The following GRB10 variants were observed in gnomAD, a reference collection of about 807,000 sequenced individuals.
GRB10 encodes the protein growth factor receptor bound protein 10, also known as growth factor receptor-bound protein 10.
GRB10 carries 20 observed loss-of-function variants against 80.9 expected under a neutral mutation model. That is an observed-to-expected ratio of 0.25 (90% CI 0.17 to 0.36). The LOEUF (loss-of-function observed/expected upper bound fraction) is 0.36. Ranked by LOEUF, GRB10 falls within the 10% of genes least tolerant of loss-of-function variation. The pLI is 1.00. For synonymous variants in GRB10, 291 were observed against 291.5 expected (o/e 1.00, Z 0.02); for missense variants, 548 against 747.7 (o/e 0.73, Z 3.12).
At chr7:50,761,067 C>T (rs2153705238) in intron 2 of GRB10, among the ~76,000 whole-genome samples, 1 of 152,308 alleles carries the variant, frequency 6.6e-6, no homozygotes, top group Admixed American at 6.5e-5. Flanking sequence ...TTAAGAACAA[C>T]TAGATATCAA....
chr7:50,741,003 G>A (rs1023752329), intron 3 of GRB10, among the ~76,000 whole-genome samples: 5 of 152,058 alleles, frequency 3.3e-5, no homozygotes, highest in Non-Finnish European at 5.9e-5. Context: ...ATACTAAAAA[G>A]CATTGATAAA....
At chr7:50,684,267 C>CAAA (rs386410128) in intron 5 of GRB10, among the ~76,000 whole-genome samples, 2,827 of 62,148 alleles carry the variant, frequency 0.045, 366 homozygotes, top group African/African-American at 0.19. Flanking sequence ...CAATCATCAC[C>CAAA]AAAAAAAAAA....
intron 4 of GRB10, among the ~76,000 whole-genome samples, chr7:50,712,524 T>A (rs1033950091): frequency 2.2e-5 from 2 of 89,082 alleles, no homozygotes; most frequent in African/African-American, 5.3e-5. Context: ...AAAAAACTTT[T>A]CTCCCAAATG....
intron 7 of GRB10, among the ~76,000 whole-genome samples, chr7:50,653,709 A>T (rs2058290333): frequency 6.6e-6 from 1 of 152,188 alleles, no homozygotes; most frequent in South Asian, 2.1e-4. Context: ...ATGCATCGGG[A>T]AGAGACTTAA....
intron 7 of GRB10, among the ~76,000 whole-genome samples, chr7:50,643,957 G>A (rs1043947141): frequency 1.3e-5 from 2 of 152,120 alleles, no homozygotes; most frequent in East Asian, 1.9e-4. Context: ...ACATACGTGC[G>A]TGAAAATAAT....
chr7:50,725,730 C>T (rs1160749523), intron 4 of GRB10, among the ~76,000 whole-genome samples: 1 of 152,168 alleles, frequency 6.6e-6, no homozygotes, highest in African/African-American at 2.4e-5. Context: ...AGGAGGAAAA[C>T]AGAAGTGGGA....
At chr7:50,642,339 TAC>T (rs1330084225) in intron 7 of GRB10, among the ~76,000 whole-genome samples, 1 of 151,552 alleles carries the variant, frequency 6.6e-6, no homozygotes, top group Non-Finnish European at 1.5e-5. Flanking sequence ...CACATATGCA[TAC>T]AGATACACAA....
At chr7:50,710,940 G>T in intron 4 of GRB10, 1 of 1,605,132 alleles carries the variant, frequency 6.2e-7, no homozygotes. Flanking sequence ...TCTACAGTGG[G>T]TATCACGTGG....
At chr7:50,705,107 G>A (rs2064853333) in intron 4 of GRB10, 2 of 976,534 alleles carry the variant, frequency 2.0e-6, no homozygotes, top group African/African-American at 1.8e-5. Flanking sequence ...GAAATGGGAT[G>A]GATGCTCACT....
chr7:50,593,841 G>C (rs1400006325), intron 18 of GRB10, among the ~76,000 whole-genome samples: 3 of 152,152 alleles, frequency 2.0e-5, no homozygotes, highest in African/African-American at 7.2e-5. Flanking sequence ...ACCATTGCTA[G>C]AGCTAACAGC....
intron 10 of GRB10, chr7:50,617,797 T>TGGCATG (rs2050927906): frequency 1.9e-6 from 1 of 525,506 alleles, no homozygotes. Flanking sequence ...CACTCAGCAG[T>TGGCATG]GGCATCACTG....
chr7:50,595,806 C>T (rs2046545002), intron 17 of GRB10: 1 of 377,586 alleles, frequency 2.6e-6, no homozygotes. Flanking sequence ...GGCAGGGAAA[C>T]TATAGGATGA....
chr7:50,714,937 G>C (rs993654814), intron 4 of GRB10, among the ~76,000 whole-genome samples: 3 of 152,102 alleles, frequency 2.0e-5, no homozygotes, highest in African/African-American at 7.2e-5. Flanking sequence ...CCCATGAGCA[G>C]AAGGAAGAGA....
intron 3 of GRB10, among the ~76,000 whole-genome samples, chr7:50,755,389 C>T (rs1477493741): frequency 6.6e-6 from 1 of 152,150 alleles, no homozygotes; most frequent in Non-Finnish European, 1.5e-5. Flanking sequence ...GTTACAGGGT[C>T]CCCAGTCTCA....
intron 4 of GRB10, among the ~76,000 whole-genome samples, chr7:50,724,388 T>G (rs2068254212): frequency 6.6e-6 from 1 of 152,230 alleles, no homozygotes. Context: ...TTTTTATTCT[T>G]AAGTTCAACA....
At chr7:50,672,673 G>A (rs977161266) in intron 6 of GRB10, among the ~76,000 whole-genome samples, 3 of 152,148 alleles carry the variant, frequency 2.0e-5, no homozygotes, top group South Asian at 2.1e-4. Context: ...GCCAGAACTC[G>A]AGGTTCAAGG....
chr7:50,605,342 T>A lies in GRB10; in HGVS notation c.1337A>T (p.Glu446Val). 1 of 1,614,188 alleles carries A rather than the reference T, an allele frequency of 6.2e-7. No homozygotes were observed. The highest frequency in any genetic ancestry group is 8.5e-7 in the Non-Finnish European group (1 of 1,180,028). Reference protein sequence around the residue: ...DFSGQTGRVIENPAEAQSAAL... With the variant: ...DFSGQTGRVIVNPAEAQSAAL... Reference sequence around the variant, plus strand: ...TGCGCTCTGGGCCTCTGCCGGATTCTCTATCACGCGTCCTGTTTGCCCAGA... The same window carrying A: ...TGCGCTCTGGGCCTCTGCCGGATTCACTATCACGCGTCCTGTTTGCCCAGA... Residue 446 changes from glutamate to valine, a missense_variant, in exon 15 of 19, where the codon GAG becomes GTG. Glu to Val is a moderately radical substitution (Grantham distance 121). This residue lies in a region of GRB10 where 270 missense variants were observed against 433.6 expected (regional missense o/e 0.62). Coordinates refer to ENST00000401949, the MANE Select transcript of GRB10 (RefSeq NM_001350814.2).
chr7:50,612,664 A>G lies in GRB10; in HGVS notation c.1194+77T>C, dbSNP rs533655592. 2.1e-4 allele frequency: 188 copies of G among 902,464 alleles called. 1 individual carries two copies. The African/African-American group carries it at 2.6e-3, about 12-fold the overall frequency. The allele number at this position is 902,464 out of a possible 1,614,324, so 55.9% of individuals were successfully genotyped here. Reference sequence around the variant, plus strand: ...GAAAAGTTACGAGCATTTTCCTGCCAGAATAGACATCAAGTCCAGAGGCCA... The same window carrying G: ...GAAAAGTTACGAGCATTTTCCTGCCGGAATAGACATCAAGTCCAGAGGCCA... On this transcript the variant is annotated intron_variant, in intron 13 of 18. Coordinates refer to ENST00000401949, the MANE Select transcript of GRB10 (RefSeq NM_001350814.2).
At chr7:50,733,172 C>T (rs908017933) in intron 3 of GRB10, among the ~76,000 whole-genome samples, 1 of 152,126 alleles carries the variant, frequency 6.6e-6, no homozygotes, top group Non-Finnish European at 1.5e-5. Context: ...TATTAGAACA[C>T]AGACTTGTAC....
Sources: gnomAD v4.1 joint callset for allele counts (sites outside exome capture counted in the v4.1 genomes callset) on GRCh38, gnomAD v4.1.1 for gene constraint, gnomAD v4.1.1 regional missense constraint, MANE v1.5 for transcripts, NCBI Gene and HGNC (gene_info 2026-07-23, HGNC 2026-07-21) for gene names.